CHD6: variants seen among roughly 807,000 people sequenced by gnomAD.
The protein encoded by CHD6 is ATP-dependent chromatin remodeler CHD6.
Under a neutral mutation model 276.9 loss-of-function variants are expected in CHD6, and 50 were observed. That is an observed-to-expected ratio of 0.18 (90% CI 0.14 to 0.23). The LOEUF (loss-of-function observed/expected upper bound fraction) is 0.23, where lower values mean the gene tolerates loss of function less well. Among genes scored for constraint, CHD6 ranks in the 10% least tolerant of loss-of-function variants. The pLI is 1.00. For synonymous variants in CHD6, 1,173 were observed against 1,229.3 expected (o/e 0.95, Z 0.96); for missense variants, 2,564 against 3,365.8 (o/e 0.76, Z 5.89).
intron 31 of CHD6, among the ~76,000 whole-genome samples, 177 bp downstream of exon 31, chr20:41,420,331 T>C (rs1164380000): frequency 6.6e-6 from 1 of 152,212 alleles, no homozygotes; most frequent in Admixed American, 6.5e-5. Context: ...TTCTACAACA[T>C]GACCACAGTT....
intron 2 of CHD6, among the ~76,000 whole-genome samples, chr20:41,534,041 C>A (rs1422399140): frequency 2.6e-5 from 4 of 152,138 alleles, no homozygotes; most frequent in Non-Finnish European, 4.4e-5. Context: ...GTACAGCCCC[C>A]CAAAGTGACC....
At position 41,603,396 on chromosome 20, in the gene CHD6, T is replaced by C. The variant is rs1402432835; in HGVS notation, c.-24+14944A>G. Among the ~76,000 whole-genome samples the C allele has an allele frequency of 2.0e-5, 3 of 152,248 alleles. No homozygotes were observed. In the East Asian group the frequency reaches 5.8e-4, roughly 29 times the overall value. On this transcript the variant is annotated intron_variant, in intron 1 of 36. Transcript: ENST00000373233. The stretch of plus-strand genomic sequence containing the variant: ...AACAATGCAAACATATACACGTGTG[T>C]GTACTAGGCACAATATAGTGTTTTT...
In CHD6 at chr20:41,591,407, CAT is replaced by C. The variant is rs962278198; in HGVS notation, c.-24+26931_-24+26932del. Among the ~76,000 whole-genome samples, 40 of 134,376 alleles carry C rather than the reference CAT, an allele frequency of 3.0e-4. No homozygotes were observed. The East Asian group carries it at 5.9e-3, about 20-fold the overall frequency. 88.2% of individuals were successfully genotyped at this position (134,376 alleles called of 152,430 possible). On this transcript the variant is annotated intron_variant, in intron 1 of 36. Coordinates refer to ENST00000373233, the MANE Select transcript of CHD6 (RefSeq NM_032221.5). ...ACACACACACACACACACACACACA[CAT>C]ATATATATACATATATATATAAAAG...
At chr20:41,579,846 T>G (rs1292441042) in intron 1 of CHD6, among the ~76,000 whole-genome samples, 1 of 152,232 alleles carries the variant, frequency 6.6e-6, no homozygotes, top group Admixed American at 6.5e-5. Context: ...TTTCTACTTT[T>G]CAAGCTTTTC....
chr20:41,417,216 G>T lies in CHD6; in HGVS notation c.6261C>A (p.Ser2087=), dbSNP rs6072363. 6.2e-7 allele frequency: 1 copy of T among 1,613,932 alleles called. No individual in the cohort carries two copies. Among genetic ancestry groups the T allele is most frequent in the Admixed American group, 1.7e-5 (1 of 59,930 alleles). ...GGGGTACCTTTGGCCACTCAGAGAA[G>T]GAATAGAGAGTTTTCTCCTGTAGCA... The part of the protein sequence containing the change: ...AQLLQEKTLY[S]FSEWPKDRVI... The change falls in exon 32 of 37, where the codon TCC becomes TCA. Residue 2087 remains serine, a synonymous_variant. Transcript: ENST00000373233.
chr20:41,446,998 A>G (rs1220727998), intron 24 of CHD6, among the ~76,000 whole-genome samples: 2 of 152,280 alleles, frequency 1.3e-5, no homozygotes, highest in African/African-American at 4.8e-5. Flanking sequence ...GAACCTGTCT[A>G]CCAAACACAC....
intron 3 of CHD6, among the ~76,000 whole-genome samples, chr20:41,528,814 A>G (rs1395528384): frequency 6.6e-6 from 1 of 152,242 alleles, no homozygotes; most frequent in Non-Finnish European, 1.5e-5. Flanking sequence ...GCTAGACTCT[A>G]CCTATCACCT....
intron 22 of CHD6, 149 bp downstream of exon 22, chr20:41,451,677 G>C (rs903171038): frequency 5.7e-6 from 4 of 701,512 alleles, no homozygotes; most frequent in South Asian, 5.4e-5. Context: ...AGGCAGAAAC[G>C]AAAGCAACAT....
At chr20:41,540,101 G>A (rs545852306) in intron 2 of CHD6, among the ~76,000 whole-genome samples, 4 of 152,152 alleles carry the variant, frequency 2.6e-5, no homozygotes, top group Admixed American at 6.5e-5. Flanking sequence ...GTTTTTACCT[G>A]TCTCCCATGA....
At chr20:41,553,765 T>C (rs1413538452) in intron 1 of CHD6, among the ~76,000 whole-genome samples, 3 of 152,252 alleles carry the variant, frequency 2.0e-5, no homozygotes, top group Non-Finnish European at 2.9e-5. Context: ...CGTGCTGACT[T>C]TTCTTTGTGG....
intron 5 of CHD6, among the ~76,000 whole-genome samples, chr20:41,509,374 A>C (rs2044057897): frequency 6.6e-6 from 1 of 152,088 alleles, no homozygotes; most frequent in Non-Finnish European, 1.5e-5. Context: ...CACTAACATA[A>C]CTCATGGTTT....
Position 41,421,238 on chromosome 20 carries a change from A to G in CHD6, c.5397T>C (p.Pro1799=). The change falls in exon 31 of 37, where the codon CCT becomes CCC. Residue 1799 remains proline (P), a synonymous_variant. Coordinates refer to ENST00000373233, the MANE Select transcript of CHD6 (RefSeq NM_032221.5). ...ELCCSEAGQR[P]ENIGQLEAKC... ...TGGCTTCCAGCTGGCCAATGTTTTC[A>G]GGTCTCTGTCCTGCCTCACTGCAGC... 6.2e-7 allele frequency: 1 copy of G among 1,613,970 alleles called. No homozygotes were observed. The highest frequency in any genetic ancestry group is 1.3e-5 in the African/African-American group (1 of 75,040).
intron 1 of CHD6, 40 bp from the exon 2 acceptor site, chr20:41,551,400 C>T (rs1465608771): frequency 1.1e-6 from 1 of 933,668 alleles, no homozygotes; most frequent in Admixed American, 2.0e-5. Flanking sequence ...TATGACAAAA[C>T]CCAAAATAAA....
At chr20:41,493,244 A>C (rs2043599120) in intron 10 of CHD6, among the ~76,000 whole-genome samples, 1 of 152,198 alleles carries the variant, frequency 6.6e-6, no homozygotes, top group African/African-American at 2.4e-5. Flanking sequence ...GCCATTACTT[A>C]CAAATTTTAT....
chr20:41,405,109 G>A lies in CHD6; in HGVS notation c.7632C>T (p.Thr2544=). Residue 2544 remains threonine, a synonymous_variant, in exon 37 of 37, where the codon ACC becomes ACT. Coordinates refer to ENST00000373233, the MANE Select transcript of CHD6 (RefSeq NM_032221.5). ...VGGLLSPPMA[T]TCTSTAPASL... ...ACGCCGGAGCAGTGGAAGTGCAGGT[G>A]GTTGCCATGGGTGGACTGAGGAGTC... The A allele has an allele frequency of 6.2e-7, 1 of 1,614,234 alleles. No homozygotes were observed. The highest frequency in any genetic ancestry group is 1.1e-5 in the South Asian group (1 of 91,080).
rs761229796 is a variant in CHD6 at position 41,455,987 on chromosome 20, G to A, written c.2830-8C>T. On this transcript the variant is annotated splice_region_variant and splice_polypyrimidine_tract_variant and intron_variant, in intron 18 of 36. Coordinates refer to ENST00000373233, the MANE Select transcript of CHD6 (RefSeq NM_032221.5). ...TTTTGAGAGCTGCTGTACCTGGACA[G>A]GTCACCAAAGGCTACTCACAAAGTG... 2.0e-6 allele frequency: 3 copies of A among 1,511,388 alleles called. No individual in the cohort carries two copies. In the African/African-American group the frequency reaches 4.2e-5, roughly 21 times the overall value. 93.6% of individuals were successfully genotyped at this position (1,511,388 alleles called of 1,614,324 possible).
chr20:41,568,969 T>C (rs539459388), intron 1 of CHD6, among the ~76,000 whole-genome samples: 3 of 152,216 alleles, frequency 2.0e-5, no homozygotes, highest in Non-Finnish European at 4.4e-5. Context: ...AAGATGAGTA[T>C]CAGTTCTTAA....
chr20:41,421,473 T>C lies in CHD6; in HGVS notation c.5162A>G (p.Gln1721Arg), dbSNP rs531782571. The change falls in exon 31 of 37, where the codon CAG (glutamine) becomes CGG (arginine). Residue 1721 changes from glutamine (Q) to arginine (R), a missense_variant. This residue lies in a region of CHD6 where 1,024 missense variants were observed against 1,047.9 expected (regional missense o/e 0.98). Transcript: ENST00000373233. ...TTCAGTATTGGTACTTGGGCTCTCC[T>C]GAAAAGAGCTTGGTTCTTGGCTGAG... ...KVLSQEPSSF[Q>R]ESPSTNTESR... 56 of 1,614,080 alleles carry C rather than the reference T, an allele frequency of 3.5e-5. No homozygotes were observed. The South Asian group carries it at 5.8e-4, about 17-fold the overall frequency.
At chr20:41,564,277 T>C (rs1371381124) in intron 1 of CHD6, 3 of 574,082 alleles carry the variant, frequency 5.2e-6, no homozygotes, top group Admixed American at 6.8e-5. Flanking sequence ...CAAAACAGCA[T>C]ATAAGACACA....
Sources: allele counts gnomAD v4.1 joint callset (sites outside exome capture counted in the v4.1 genomes callset), GRCh38; gene constraint gnomAD v4.1.1; regional missense constraint gnomAD v4.1.1; transcripts MANE v1.5; gene names NCBI Gene and HGNC (gene_info 2026-07-23, HGNC 2026-07-21).